The following ROBO1 variants were observed in gnomAD, a reference collection of about 807,000 sequenced individuals.
ROBO1 encodes roundabout homolog 1.
ROBO1 carries 149 observed loss-of-function variants against 195.9 expected under a neutral mutation model. The observed-to-expected ratio is 0.76, with a 90% CI of 0.67 to 0.87. The LOEUF (loss-of-function observed/expected upper bound fraction) is 0.87. Among genes scored for constraint, ROBO1 ranks in the 40% least tolerant of loss-of-function variants. ROBO1 has a pLI of 0.00. For synonymous variants in ROBO1, 816 were observed against 733.2 expected, an observed-to-expected ratio of 1.11 and a Z score of -1.82; for missense variants, 1,933 against 2,068.3, an observed-to-expected ratio of 0.93 and a Z score of 1.27.
At chr3:79,659,396 A>G (rs987356644) in intron 1 of ROBO1, among the ~76,000 whole-genome samples, 1 of 152,100 alleles carries the variant, frequency 6.6e-6, no homozygotes, top group African/African-American at 2.4e-5. Flanking sequence ...AGTTTTAATG[A>G]CTTAAAATAT....
chr3:79,441,958 A>T, intron 2 of ROBO1, among the ~76,000 whole-genome samples: 1 of 152,230 alleles, frequency 6.6e-6, no homozygotes, highest in African/African-American at 2.4e-5. Flanking sequence ...GATTTAAACA[A>T]GTAAGTTATA....
At chr3:79,513,887 A>T (rs971530174) in intron 2 of ROBO1, among the ~76,000 whole-genome samples, 2 of 152,246 alleles carry the variant, frequency 1.3e-5, no homozygotes, top group Non-Finnish European at 2.9e-5. Flanking sequence ...CCAAGAAATG[A>T]ACATTTTTAT....
chr3:79,494,448 C>CA (rs958344791), intron 2 of ROBO1, among the ~76,000 whole-genome samples: 3 of 151,630 alleles, frequency 2.0e-5, no homozygotes, highest in Non-Finnish European at 2.9e-5. Flanking sequence ...GGGCTATCTG[C>CA]AAAAAAATAC....
chr3:79,335,603 A>C (rs1274748337), intron 2 of ROBO1, among the ~76,000 whole-genome samples: 1 of 152,172 alleles, frequency 6.6e-6, no homozygotes, highest in Non-Finnish European at 1.5e-5. Context: ...AGGCCTCCCC[A>C]GCCATGTGGA....
chr3:78,786,271 T>A lies in ROBO1; in HGVS notation c.500-39371A>T, dbSNP rs567574776. Among the ~76,000 whole-genome samples the A allele has an allele frequency of 2.6e-5, 4 of 152,290 alleles. No homozygotes were observed. In the South Asian group the frequency reaches 8.3e-4, roughly 32 times the overall value. On this transcript the variant is annotated intron_variant, in intron 4 of 30. Transcript: ENST00000464233. ...CTTATTACCATGGCTACTTATATTATATAACCAAGTTTAATATGAGCAATA... is the reference window on the plus strand; with the variant it reads ...CTTATTACCATGGCTACTTATATTAAATAACCAAGTTTAATATGAGCAATA...
At chr3:78,732,183 A>G (rs2082300851) in intron 5 of ROBO1, among the ~76,000 whole-genome samples, 1 of 152,116 alleles carries the variant, frequency 6.6e-6, no homozygotes, top group Admixed American at 6.6e-5. Flanking sequence ...ATAGAGAACA[A>G]CAGCTTATAT....
Position 78,761,380 on chromosome 3 carries a change from AT to A in ROBO1, c.500-14481del, listed in dbSNP as rs56007015. Reference sequence around the variant, plus strand: ...ACGCTTTTTATAAACATTAAAAAAAATAAACTAATGTATAAGGTTTTACTTC... The same window carrying A: ...ACGCTTTTTATAAACATTAAAAAAAAAAACTAATGTATAAGGTTTTACTTC... On this transcript the variant is annotated intron_variant, in intron 4 of 30. Transcript: ENST00000464233. 6.1e-3 allele frequency among the ~76,000 whole-genome samples: 928 copies of A among 152,260 alleles called. 8 individuals are homozygous for A. Among genetic ancestry groups the A allele is most frequent in the Non-Finnish European group, 7.4e-3 (505 of 68,010 alleles).
chr3:79,502,957 C>A (rs1940182004), intron 2 of ROBO1, among the ~76,000 whole-genome samples: 1 of 152,042 alleles, frequency 6.6e-6, no homozygotes. Context: ...CCAATCAGCT[C>A]TCTGTAAAAT....
At chr3:79,636,705 C>G (rs957881709) in intron 1 of ROBO1, among the ~76,000 whole-genome samples, 2 of 152,104 alleles carry the variant, frequency 1.3e-5, no homozygotes, top group African/African-American at 4.8e-5. Context: ...CTGGATAATA[C>G]AGGCAACAAC....
chr3:79,161,003 A>T (rs1321217740), intron 2 of ROBO1, among the ~76,000 whole-genome samples: 1 of 152,096 alleles, frequency 6.6e-6, no homozygotes, highest in African/African-American at 2.4e-5. Flanking sequence ...TGTCATTCTG[A>T]TAGATATGCT....
At chr3:78,950,395 G>A (rs2040708946) in intron 3 of ROBO1, among the ~76,000 whole-genome samples, 1 of 150,944 alleles carries the variant, frequency 6.6e-6, no homozygotes, top group Non-Finnish European at 1.5e-5. Context: ...ACCATTCTCC[G>A]CAAACTATAG....
intron 4 of ROBO1, among the ~76,000 whole-genome samples, chr3:78,871,038 T>G (rs750525998): frequency 6.6e-6 from 1 of 152,190 alleles, no homozygotes; most frequent in Non-Finnish European, 1.5e-5. Context: ...TAAATTACAT[T>G]TCTCGTTAGC....
At chr3:79,340,182 G>A (rs1217860559) in intron 2 of ROBO1, among the ~76,000 whole-genome samples, 5 of 152,058 alleles carry the variant, frequency 3.3e-5, no homozygotes, top group Non-Finnish European at 7.4e-5. Flanking sequence ...ATATAAATTT[G>A]TCTCTCTTGA....
intron 2 of ROBO1, among the ~76,000 whole-genome samples, chr3:79,129,529 C>T (rs2080284448): frequency 6.6e-6 from 1 of 151,990 alleles, no homozygotes; most frequent in Admixed American, 6.6e-5. Context: ...GAAATAAACA[C>T]CTATATCTTC....
At chr3:78,925,850 T>A (rs2039183457) in intron 4 of ROBO1, among the ~76,000 whole-genome samples, 1 of 151,908 alleles carries the variant, frequency 6.6e-6, no homozygotes, top group Non-Finnish European at 1.5e-5. Flanking sequence ...AAGTGATGGC[T>A]CTGCTGAACT....
Position 78,639,754 on chromosome 3 carries a change from G to A in ROBO1, c.3027C>T (p.Tyr1009=), listed in dbSNP as rs1001770000. 1.2e-6 allele frequency: 2 copies of A among 1,613,262 alleles called. No individual in the cohort carries two copies. The highest frequency in any genetic ancestry group is 1.3e-5 in the African/African-American group (1 of 75,044). The change falls in exon 22 of 31, where the codon TAC becomes TAT. Residue 1009 remains tyrosine, a synonymous_variant. Coordinates refer to ENST00000464233, the MANE Select transcript of ROBO1 (RefSeq NM_002941.4). ...CTCTGTGTCCCTAACCTGGGCGACTGTAGGTAGTGAGGTTGCTGTCGCTGT... is the reference window on the plus strand; with the variant it reads ...CTCTGTGTCCCTAACCTGGGCGACTATAGGTAGTGAGGTTGCTGTCGCTGT... ...NGNSDSNLTT[Y]SRPADCIANY...
At chr3:79,046,186 G>A (rs2078588226) in intron 3 of ROBO1, among the ~76,000 whole-genome samples, 3 of 152,236 alleles carry the variant, frequency 2.0e-5, no homozygotes, top group Admixed American at 2.0e-4. Context: ...TACTCTGAGG[G>A]AAACCAGCCG....
At chr3:79,204,892 TTTTG>T (rs1455792881) in intron 2 of ROBO1, among the ~76,000 whole-genome samples, 6 of 148,192 alleles carry the variant, frequency 4.0e-5, no homozygotes, top group Non-Finnish European at 7.4e-5. Flanking sequence ...TTACGTCTTT[TTTTG>T]TTTTTGTTTT....
In ROBO1 at chr3:78,714,501, G is replaced by C. The variant is rs780736228; in HGVS notation, c.941C>G (p.Thr314Ser). ...AGCTGTCACCTTCCTAATTTTCAAG[G>C]TATGATCATCTCGGATTTCATATCT... The part of the protein sequence containing the change: ...KSRYEIRDDH[T>S]LKIRKVTAGD... Residue 314 changes from threonine (T) to serine (S), a missense_variant, in exon 8 of 31, where the codon ACC becomes AGC. By Grantham distance (58) the Thr-to-Ser change is moderately conservative. Coordinates refer to ENST00000464233, the MANE Select transcript of ROBO1 (RefSeq NM_002941.4). 61 of 1,611,034 alleles carry C rather than the reference G, an allele frequency of 3.8e-5. No homozygotes were observed. In the South Asian group the frequency reaches 6.8e-4, roughly 18 times the overall value.
Sources: allele counts gnomAD v4.1 joint callset (sites outside exome capture counted in the v4.1 genomes callset), GRCh38; gene constraint gnomAD v4.1.1; transcripts MANE v1.5; gene names NCBI Gene and HGNC (gene_info 2026-07-23, HGNC 2026-07-21).